The following PPP4R4 variants were observed in gnomAD, a reference collection of about 807,000 sequenced individuals.
PPP4R4 encodes serine/threonine-protein phosphatase 4 regulatory subunit 4.
Under a neutral mutation model 121.8 loss-of-function variants are expected in PPP4R4, and 70 were observed. The ratio of observed to expected loss-of-function variants is 0.57; its 90% CI spans 0.47 to 0.70. The LOEUF (loss-of-function observed/expected upper bound fraction) is 0.70, where lower values mean the gene tolerates loss of function less well. Ranked by LOEUF, PPP4R4 falls within the 30% of genes least tolerant of loss-of-function variation. The pLI is 0.00. For missense variants in PPP4R4, 875 were observed against 1,033.6 expected (o/e 0.85, Z 2.10); for synonymous variants, 348 against 355.7 (o/e 0.98, Z 0.24).
intron 16 of PPP4R4, among the ~76,000 whole-genome samples, chr14:94,253,944 T>C (rs1893327328): frequency 6.6e-6 from 1 of 152,190 alleles, no homozygotes; most frequent in Non-Finnish European, 1.5e-5. Flanking sequence ...AGGATCATGT[T>C]GGTTAGGAGG....
chr14:94,250,341 G>A (rs1893114412), intron 15 of PPP4R4, 64 bp downstream of exon 15: 1 of 1,064,870 alleles, frequency 9.4e-7, no homozygotes, highest in Non-Finnish European at 1.4e-6. Flanking sequence ...CTTTAGTTAT[G>A]TCTAACTTAT....
At chr14:94,195,727 A>T (rs1263610350) in intron 2 of PPP4R4, among the ~76,000 whole-genome samples, 1 of 151,736 alleles carries the variant, frequency 6.6e-6, no homozygotes, top group East Asian at 1.9e-4. Context: ...GGGGGAGATC[A>T]CTCCTGGTTG....
chr14:94,278,518 C>A, intron 24 of PPP4R4, 101 bp from the exon 25 acceptor site: 1 of 633,742 alleles, frequency 1.6e-6, no homozygotes. Flanking sequence ...ACTTTGTACA[C>A]ATTATATGAA....
intron 2 of PPP4R4, among the ~76,000 whole-genome samples, chr14:94,203,292 G>A (rs963036483): frequency 1.3e-5 from 2 of 152,052 alleles, no homozygotes; most frequent in Non-Finnish European, 2.9e-5. Flanking sequence ...GGAATCATAC[G>A]GTATGTAACC....
intron 23 of PPP4R4, among the ~76,000 whole-genome samples, chr14:94,273,444 G>T (rs1894453788): frequency 6.6e-6 from 1 of 152,144 alleles, no homozygotes; most frequent in African/African-American, 2.4e-5. Flanking sequence ...ATAAGTAGTT[G>T]TCAGGGGTTC....
intron 1 of PPP4R4, 131 bp downstream of exon 1, chr14:94,174,713 C>CT: frequency 1.2e-5 from 17 of 1,429,648 alleles, no homozygotes; most frequent in Non-Finnish European, 1.6e-5. Flanking sequence ...GTCGGGCCGG[C>CT]CCCTCCTCCT....
intron 19 of PPP4R4, among the ~76,000 whole-genome samples, chr14:94,260,548 A>AT (rs113985524): frequency 1.3e-4 from 19 of 149,020 alleles, no homozygotes; most frequent in Non-Finnish European, 1.9e-4. Flanking sequence ...ATGGTATCTC[A>AT]TTTTTTTTTT....
chr14:94,261,347 A>AT (rs1248249682), intron 19 of PPP4R4, among the ~76,000 whole-genome samples: 3 of 152,064 alleles, frequency 2.0e-5, no homozygotes, highest in Admixed American at 6.6e-5. Context: ...GGAAGTATAC[A>AT]TTTTTTTATT....
intron 3 of PPP4R4, chr14:94,227,576 TAGTTGGGGCA>T: frequency 4.6e-6 from 6 of 1,312,204 alleles, no homozygotes; most frequent in Non-Finnish European, 4.8e-6. Flanking sequence ...AAATGCAAAA[TAGTTGGGGCA>T]AATGTTGCTG....
At chr14:94,179,697 C>T (rs747682681) in intron 2 of PPP4R4, among the ~76,000 whole-genome samples, 4 of 152,160 alleles carry the variant, frequency 2.6e-5, no homozygotes, top group South Asian at 2.1e-4. Context: ...CACATGGATC[C>T]CAGGCTTCTT....
At position 94,237,842 on chromosome 14, in the gene PPP4R4, G is replaced by C. The variant is rs148050058; in HGVS notation, c.853+156G>C. On this transcript the variant is annotated intron_variant, in intron 8 of 24. Transcript: ENST00000304338. ...TTCATTCTGTTTTCGTGTCTTCTTG[G>C]CTTTCACTTTTACCCTCATGGTGTC... Among the ~76,000 whole-genome samples the C allele has an allele frequency of 6.6e-5, 10 of 152,142 alleles. No homozygotes were observed. In the East Asian group the frequency reaches 1.9e-3, roughly 29 times the overall value.
At position 94,230,729 on chromosome 14, in the gene PPP4R4, A is replaced by G; in HGVS notation, c.437A>G (p.Asp146Gly). 6.2e-7 allele frequency: 1 copy of G among 1,612,886 alleles called. No individual in the cohort carries two copies. Residue 146 changes from aspartate to glycine, a missense_variant, in exon 4 of 25, where the codon GAC (aspartate) becomes GGC (glycine). Coordinates refer to ENST00000304338, the MANE Select transcript of PPP4R4 (RefSeq NM_058237.2). ...QVILLHLEHR[D>G]TGVSNAWLET... ...ATTCTCCTGCATCTGGAGCACAGGG[A>G]CACAGGTCAGGGGCCTGGCATGCTT...
chr14:94,269,541 C>A (rs554381471), intron 23 of PPP4R4, among the ~76,000 whole-genome samples: 1 of 151,454 alleles, frequency 6.6e-6, no homozygotes, highest in Non-Finnish European at 1.5e-5. Flanking sequence ...TTTAGTCGGG[C>A]GTGGCGTCAG....
chr14:94,213,585 T>C (rs1567117798), intron 3 of PPP4R4, among the ~76,000 whole-genome samples: 2 of 152,140 alleles, frequency 1.3e-5, no homozygotes, highest in South Asian at 2.1e-4. Context: ...GGGGTGGTGG[T>C]CTAAATGCCA....
chr14:94,228,796 T>C (rs1328354549), intron 3 of PPP4R4, among the ~76,000 whole-genome samples: 1 of 152,136 alleles, frequency 6.6e-6, no homozygotes, highest in Non-Finnish European at 1.5e-5. Flanking sequence ...ACATGAAGCT[T>C]GTGTCCAGTT....
Position 94,259,328 on chromosome 14 carries a change from G to A in PPP4R4, c.2086G>A (p.Asp696Asn), listed in dbSNP as rs1893648224. The A allele has an allele frequency of 1.2e-6, 2 of 1,610,702 alleles. No individual in the cohort carries two copies. Among genetic ancestry groups the A allele is most frequent in the Non-Finnish European group, 1.7e-6 (2 of 1,178,922 alleles). Residue 696 changes from aspartate to asparagine, a missense_variant, in exon 19 of 25, where the codon GAT becomes AAT. Transcript: ENST00000304338. ...QKKFYEKDLL[D>N]QEKEREELLL... ...AAAGTTTTATGAGAAAGATTTGTTG[G>A]ATCAAGAGAAAGAAAGAGAAGAACT... is the stretch of plus-strand genomic sequence containing the variant.
chr14:94,181,024 A>C (rs1179394348), intron 2 of PPP4R4, among the ~76,000 whole-genome samples: 1 of 152,094 alleles, frequency 6.6e-6, no homozygotes, highest in Non-Finnish European at 1.5e-5. Context: ...AAGCTTTGCT[A>C]CTCACCTAGC....
chr14:94,224,431 A>G (rs549875947), intron 3 of PPP4R4, among the ~76,000 whole-genome samples: 9 of 152,306 alleles, frequency 5.9e-5, no homozygotes, highest in South Asian at 2.1e-4. Context: ...AGCTTGGACT[A>G]TGGTGGAAGT....
At chr14:94,213,637 T>A (rs1166370533) in intron 3 of PPP4R4, among the ~76,000 whole-genome samples, 2 of 152,188 alleles carry the variant, frequency 1.3e-5, no homozygotes, top group Admixed American at 1.3e-4. Context: ...AGTTGACGTA[T>A]ACATGTAGAA....
Sources: gnomAD v4.1 joint callset for allele counts (sites outside exome capture counted in the v4.1 genomes callset) on GRCh38, gnomAD v4.1.1 for gene constraint, MANE v1.5 for transcripts, NCBI Gene and HGNC (gene_info 2026-07-23, HGNC 2026-07-21) for gene names.